CACNA1I: variants seen among roughly 807,000 people sequenced by gnomAD.
CACNA1I encodes voltage-dependent T-type calcium channel subunit alpha-1I.
A neutral mutation model predicts 201.6 loss-of-function variants in CACNA1I; 74 were observed. The observed-to-expected ratio is 0.37, with a 90% confidence interval of 0.30 to 0.45. The LOEUF (loss-of-function observed/expected upper bound fraction) is 0.45, where lower values mean the gene tolerates loss of function less well. CACNA1I is among the 20% of genes least tolerant of loss of function. The pLI is 1.00. For missense variants in CACNA1I, 2,346 were observed against 3,138.1 expected (o/e 0.75, Z 6.03); for synonymous variants, 1,431 against 1,345.2 (o/e 1.06, Z -1.40).
intron 7 of CACNA1I, 147 bp from the exon 8 acceptor site, chr22:39,646,422 G>GCCATCT (rs1934488228): frequency 1.6e-6 from 2 of 1,288,220 alleles, no homozygotes; most frequent in Non-Finnish European, 2.1e-6. Flanking sequence ...CCTCTGTACC[G>GCCATCT]CCATCTCCAT....
At position 39,662,298 on chromosome 22, in the gene CACNA1I, CGGGCCGCCTGGAG is replaced by C; in HGVS notation, c.3238_3250del (p.Ala1080ArgfsTer50). 1 of 1,500,394 alleles carries C rather than the reference CGGGCCGCCTGGAG, an allele frequency of 6.7e-7. No individual in the cohort carries two copies. Among genetic ancestry groups the C allele is most frequent in the Non-Finnish European group, 8.8e-7 (1 of 1,131,542 alleles). The allele number at this position is 1,500,394 out of a possible 1,614,324, so 92.9% of individuals were successfully genotyped here. On this transcript the variant is annotated frameshift_variant, in exon 17 of 37. Coordinates refer to ENST00000402142, the MANE Select transcript of CACNA1I (RefSeq NM_021096.4). LOFTEE classifies it high-confidence loss of function. Reference sequence around the variant, plus strand: ...GGTGCCCGCGGTGGGCGCCCACCCCCGGGCCGCCTGGAGGGCGGCAGGCCCGGCCCCCGGGCAT... The same window carrying C: ...GGTGCCCGCGGTGGGCGCCCACCCCCGGCGGCAGGCCCGGCCCCCGGGCAT...
chr22:39,621,043 C>A (rs1933728899), intron 4 of CACNA1I, among the ~76,000 whole-genome samples: 1 of 152,214 alleles, frequency 6.6e-6, no homozygotes, highest in Non-Finnish European at 1.5e-5. Context: ...CAGGCATGAG[C>A]CACTGCACCT....
At chr22:39,673,185 G>A (rs968561477) in intron 28 of CACNA1I, 103 bp downstream of exon 28, 1 of 1,058,878 alleles carries the variant, frequency 9.4e-7, no homozygotes, top group Non-Finnish European at 1.4e-6. Flanking sequence ...GGAGGGGTGG[G>A]GGCAGGAGTT....
chr22:39,592,677 C>T (rs1932836386), intron 1 of CACNA1I, among the ~76,000 whole-genome samples: 1 of 152,358 alleles, frequency 6.6e-6, no homozygotes, highest in South Asian at 2.1e-4. Context: ...GCCCTGCCCC[C>T]TCTGTCACCC....
chr22:39,674,810 T>C (rs1935474141), intron 29 of CACNA1I, among the ~76,000 whole-genome samples: 1 of 152,124 alleles, frequency 6.6e-6, no homozygotes, highest in Admixed American at 6.5e-5. Flanking sequence ...AAGGCACAGA[T>C]ACTGCACATT....
intron 7 of CACNA1I, among the ~76,000 whole-genome samples, chr22:39,646,139 C>T (rs538504023): frequency 2.6e-5 from 4 of 152,184 alleles, no homozygotes; most frequent in African/African-American, 4.8e-5. Context: ...CCTGGGCCGT[C>T]GCTTTCTCCT....
chr22:39,647,238 T>C (rs1934519727), intron 8 of CACNA1I, among the ~76,000 whole-genome samples: 1 of 152,206 alleles, frequency 6.6e-6, no homozygotes, highest in South Asian at 2.1e-4. Context: ...TCCCCCCCAC[T>C]GCAGCCACAT....
rs1601520683 is a variant in CACNA1I at position 39,671,069 on chromosome 22, G to A, written c.4539+115G>A. ...GTTAGCTGATAGCAGGATGTGAGCA[G>A]CCCCTCCATGCTGGGCTCTATGCTG... On this transcript the variant is annotated intron_variant, in intron 26 of 36. Coordinates refer to ENST00000402142, the MANE Select transcript of CACNA1I (RefSeq NM_021096.4). 7.6e-6 allele frequency: 7 copies of A among 922,230 alleles called. No individual in the cohort carries two copies. In the East Asian group the frequency reaches 1.8e-4, roughly 24 times the overall value. 57.1% of individuals were successfully genotyped at this position (922,230 alleles called of 1,614,324 possible). A position where few individuals can be genotyped will look rare whatever the true frequency, so the allele number is the denominator to read the frequency against.
At chr22:39,672,712 C>T (rs557139117) in intron 27 of CACNA1I, among the ~76,000 whole-genome samples, 48 of 152,244 alleles carry the variant, frequency 3.2e-4, no homozygotes, top group African/African-American at 1.2e-3. Context: ...CTGCAGGAGG[C>T]CAGAGATATT....
chr22:39,583,208 CCA>C (rs1932635372), intron 1 of CACNA1I, among the ~76,000 whole-genome samples: 1 of 148,086 alleles, frequency 6.8e-6, no homozygotes, highest in Non-Finnish European at 1.5e-5. Context: ...ATCCATCCAT[CCA>C]TCCATCCAAC....
chr22:39,664,041 C>A, intron 19 of CACNA1I, 50 bp from the exon 20 acceptor site: 1 of 1,580,732 alleles, frequency 6.3e-7, no homozygotes, highest in Non-Finnish European at 8.7e-7. Flanking sequence ...GGCCAGTGGC[C>A]GGGCAGCTCT....
In CACNA1I at chr22:39,686,696, A is replaced by C. The variant is rs1453760419; in HGVS notation, c.*291A>C. 6.8e-6 allele frequency: 1 copy of C among 146,956 alleles called. No homozygotes were observed. Among genetic ancestry groups the C allele is most frequent in the Non-Finnish European group, 1.5e-5 (1 of 66,584 alleles). 9.1% of individuals were successfully genotyped at this position (146,956 alleles called of 1,614,324 possible). A position where few individuals can be genotyped will look rare whatever the true frequency, so the allele number is the denominator to read the frequency against. On this transcript the variant is annotated 3_prime_UTR_variant, in exon 37 of 37. Coordinates refer to ENST00000402142, the MANE Select transcript of CACNA1I (RefSeq NM_021096.4). ...TAGACAGACATATATATATATATTT[A>C]TTTTTTTTACTGAGAGCTTATGACT...
In CACNA1I at chr22:39,682,523, C is replaced by G. The variant is rs185177048; in HGVS notation, c.5692C>G (p.Arg1898Gly). 1 of 1,613,712 alleles carries G rather than the reference C, an allele frequency of 6.2e-7. No individual in the cohort carries two copies. The highest frequency in any genetic ancestry group is 1.1e-5 in the South Asian group (1 of 91,064). The change falls in exon 35 of 37, where the codon CGT becomes GGT. Residue 1898 changes from arginine (R) to glycine (G), a missense_variant. By Grantham distance (125) the Arg-to-Gly change is moderately radical (BLOSUM62 -2). Coordinates refer to ENST00000402142, the MANE Select transcript of CACNA1I (RefSeq NM_021096.4). ...KGELDPPEPM[R>G]VGDLGECFFP... ...TGAGCTGGACCCACCTGAGCCCATG[C>G]GTGTGGGAGACCTGGGCGAATGCTT... is the stretch of plus-strand genomic sequence containing the variant.
At chr22:39,576,720 T>C (rs968640378) in intron 1 of CACNA1I, among the ~76,000 whole-genome samples, 11 of 152,178 alleles carry the variant, frequency 7.2e-5, no homozygotes, top group African/African-American at 2.7e-4. Flanking sequence ...CGCCCTCGTC[T>C]CCCTGTCTGT....
intron 1 of CACNA1I, among the ~76,000 whole-genome samples, chr22:39,591,860 A>G (rs1932826496): frequency 6.6e-6 from 1 of 152,222 alleles, no homozygotes; most frequent in South Asian, 2.1e-4. Flanking sequence ...GCGCTTGGCC[A>G]TGCATGCTGT....
chr22:39,619,824 G>C (rs1933674389), intron 4 of CACNA1I, among the ~76,000 whole-genome samples: 1 of 152,150 alleles, frequency 6.6e-6, no homozygotes, highest in South Asian at 2.1e-4. Context: ...CACTTGTGCT[G>C]ACTGACTTAG....
At chr22:39,627,796 A>ACCCACAAGGGGCT (rs1933941080) in intron 4 of CACNA1I, among the ~76,000 whole-genome samples, 1 of 152,138 alleles carries the variant, frequency 6.6e-6, no homozygotes, top group Non-Finnish European at 1.5e-5. Flanking sequence ...TGTTTTAGGC[A>ACCCACAAGGGGCT]CCCACAAGGG....
At chr22:39,598,359 TTGCCCCGCCCACTCCA>T in intron 2 of CACNA1I, 97 bp downstream of exon 2, 1 of 608,690 alleles carries the variant, frequency 1.6e-6, no homozygotes, top group South Asian at 1.8e-5. Flanking sequence ...TGTCCTGGCC[TTGCCCCGCCCACTCCA>T]TGCCCCGCCC....
Position 39,686,333 on chromosome 22 carries a change from C to A in CACNA1I, c.6600C>A (p.Pro2200=). 7.6e-7 allele frequency: 1 copy of A among 1,310,226 alleles called. No individual in the cohort carries two copies. Among genetic ancestry groups the A allele is most frequent in the Non-Finnish European group, 9.7e-7 (1 of 1,028,428 alleles). 81.2% of individuals were successfully genotyped at this position (1,310,226 alleles called of 1,614,324 possible). A position where few individuals can be genotyped will look rare whatever the true frequency, so the allele number is the denominator to read the frequency against. Residue 2200 remains proline (P), a synonymous_variant, in exon 37 of 37, where the codon CCC becomes CCA. Transcript: ENST00000402142. ...CACCGCTGCCCATGGGCCTGGGCCC[C>A]TTGGCGCCCCCGCCGCAACCGCTCC... ...GRAPLPMGLG[P]LAPPPQPLPG... is the part of the protein sequence containing the mutation.
Sources: gnomAD v4.1 joint callset for allele counts (sites outside exome capture counted in the v4.1 genomes callset) on GRCh38, gnomAD v4.1.1 for gene constraint, MANE v1.5 for transcripts, NCBI Gene and HGNC (gene_info 2026-07-23, HGNC 2026-07-21) for gene names.